LRBA: variants seen among roughly 807,000 people sequenced by gnomAD.
LRBA encodes the protein lipopolysaccharide-responsive and beige-like anchor protein.
A neutral mutation model predicts 330.0 loss-of-function variants in LRBA; 176 were observed. The ratio of observed to expected loss-of-function variants is 0.53; its 90% CI spans 0.47 to 0.60. The LOEUF (loss-of-function observed/expected upper bound fraction) is 0.60, where lower values mean the gene tolerates loss of function less well. Among genes scored for constraint, LRBA ranks in the 20% least tolerant of loss-of-function variants. LRBA has a pLI of 0.00. For missense variants in LRBA, 3,259 were observed against 3,444.8 expected (o/e 0.95, Z 1.35); for synonymous variants, 1,230 against 1,193.0 (o/e 1.03, Z -0.64).
At chr4:151,005,762 G>A (rs1402283845) in intron 2 of LRBA, among the ~76,000 whole-genome samples, 2 of 151,654 alleles carry the variant, frequency 1.3e-5, no homozygotes, top group Non-Finnish European at 1.5e-5. Context: ...CCGCCACCAC[G>A]CCTGGCTAAT....
In LRBA at chr4:150,583,085, G is replaced by A. The variant is rs753766626; in HGVS notation, c.6330+4963C>T. On this transcript the variant is annotated intron_variant, in intron 40 of 56. Coordinates refer to ENST00000651943, the MANE Select transcript of LRBA (RefSeq NM_001364905.1). This position sits in a 1 kb window ranked among gnomAD's most constrained non-coding sequence, Gnocchi z 9.8. ...CAGCTCAATAAGTACTACACTGAGC[G>A]CTGTCAGGCGCGCAAGGCGGCCATC... 3.1e-6 allele frequency: 5 copies of A among 1,614,042 alleles called. No homozygotes were observed. The highest frequency in any genetic ancestry group is 4.2e-6 in the Non-Finnish European group (5 of 1,179,974).
chr4:150,644,216 T>C (rs1464089575), intron 37 of LRBA, among the ~76,000 whole-genome samples: 1 of 151,964 alleles, frequency 6.6e-6, no homozygotes, highest in Non-Finnish European at 1.5e-5. Context: ...CTAGTGATTT[T>C]AAAATATAAT....
In LRBA at chr4:150,900,029, T is replaced by C. The variant is rs750269572; in HGVS notation, c.1924+20A>G. 19 of 1,583,828 alleles carry C rather than the reference T, an allele frequency of 1.2e-5. No individual in the cohort carries two copies. The Admixed American group carries it at 2.4e-4, about 20-fold the overall frequency. ...TGATTTGCATTTGTGTAAAGTAATA[T>C]ACAGACAGAAATTATATACCTAATC... On this transcript the variant is annotated intron_variant, in intron 14 of 56. Coordinates refer to ENST00000651943, the MANE Select transcript of LRBA (RefSeq NM_001364905.1).
chr4:151,008,760 G>C (rs1744424472), intron 2 of LRBA, among the ~76,000 whole-genome samples: 1 of 150,990 alleles, frequency 6.6e-6, no homozygotes, highest in South Asian at 2.1e-4. Flanking sequence ...GGATCACGAG[G>C]TCAGGAGTTC....
At chr4:150,432,453 C>CTTTTGTTTTTTTTTTTTT (rs1750535558) in intron 46 of LRBA, among the ~76,000 whole-genome samples, 1 of 98,438 alleles carries the variant, frequency 1.0e-5, no homozygotes, top group Non-Finnish European at 1.8e-5. Flanking sequence ...TAAGTGTGTT[C>CTTTTGTTTTTTTTTTTTT]TTTTTTTTTT....
intron 37 of LRBA, among the ~76,000 whole-genome samples, chr4:150,637,083 C>G (rs1018675367): frequency 2.0e-5 from 3 of 151,856 alleles, no homozygotes; most frequent in Non-Finnish European, 2.9e-5. Context: ...ATATTTTCTA[C>G]AGTAAAAATA....
At chr4:150,905,689 T>C (rs943508030) in intron 13 of LRBA, 149 bp downstream of exon 13, 1 of 613,186 alleles carries the variant, frequency 1.6e-6, no homozygotes, top group Non-Finnish European at 2.7e-6. Context: ...TCCTGAAGAG[T>C]AAAAAAGGAT....
intron 47 of LRBA, among the ~76,000 whole-genome samples, chr4:150,357,396 T>C (rs933218574): frequency 1.3e-5 from 2 of 152,020 alleles, no homozygotes; most frequent in Admixed American, 6.6e-5. Context: ...GAAGTCTGTA[T>C]TGCTGTGTGC....
intron 2 of LRBA, among the ~76,000 whole-genome samples, chr4:150,976,449 T>G (rs1175351994): frequency 6.6e-6 from 1 of 152,108 alleles, no homozygotes; most frequent in East Asian, 1.9e-4. Flanking sequence ...TGGCAAAAAA[T>G]TAAGTAGTCA....
In LRBA at chr4:150,981,388, C is replaced by T. The variant is rs1002709185; in HGVS notation, c.216+33039G>A. Among the ~76,000 whole-genome samples, 10 of 140,016 alleles carry T rather than the reference C, an allele frequency of 7.1e-5. No homozygotes were observed. The South Asian group carries it at 1.8e-3, about 26-fold the overall frequency. The allele number at this position is 140,016 out of a possible 152,430, so 91.9% of individuals were successfully genotyped here. On this transcript the variant is annotated intron_variant, in intron 2 of 56. Transcript: ENST00000651943. ...AGATCACACCATTGCACTCCAGCCT[C>T]GGCGACGGAGTGAGACTGTCTCAAA... is the stretch of plus-strand genomic sequence containing the variant.
rs753950457 is a variant in LRBA at position 150,828,922 on chromosome 4, G to GGTGTGT, written c.4730-307_4730-302dup. On this transcript the variant is annotated intron_variant, in intron 29 of 56. Transcript: ENST00000651943. ...GAAAAAGTCTATAATCTTTTTTGGG[G>GGTGTGT]GTGTGTGTGTGTGTGTGTGTGTGTG... 6.1e-3 allele frequency among the ~76,000 whole-genome samples: 646 copies of GGTGTGT among 106,218 alleles called. 3 individuals are homozygous for GGTGTGT. Among genetic ancestry groups the GGTGTGT allele is most frequent in the African/African-American group, 0.022 (480 of 22,264 alleles). The allele number at this position is 106,218 out of a possible 152,430, so 69.7% of individuals were successfully genotyped here.
intron 50 of LRBA, among the ~76,000 whole-genome samples, chr4:150,317,276 T>C (rs1731841567): frequency 6.6e-6 from 1 of 152,142 alleles, no homozygotes; most frequent in South Asian, 2.1e-4. Context: ...TATCTGTCTT[T>C]GAGGGGCTGA....
chr4:150,781,189 T>G (rs549574807), intron 34 of LRBA, among the ~76,000 whole-genome samples: 8 of 152,286 alleles, frequency 5.3e-5, no homozygotes, highest in African/African-American at 1.4e-4. Flanking sequence ...GTGCATTTTA[T>G]TTTTATTACT....
At chr4:150,379,100 C>G in intron 47 of LRBA, among the ~76,000 whole-genome samples, 1 of 151,782 alleles carries the variant, frequency 6.6e-6, no homozygotes, top group Middle Eastern at 3.4e-3. Context: ...GTCAGGAGAT[C>G]GAGACCAGCC....
chr4:150,791,176 A>C (rs1739855209), intron 34 of LRBA, among the ~76,000 whole-genome samples: 1 of 151,812 alleles, frequency 6.6e-6, no homozygotes, highest in Non-Finnish European at 1.5e-5. Flanking sequence ...CTGGTCTCAA[A>C]CTCCTGGCCT....
Position 150,828,552 on chromosome 4 carries a change from G to C in LRBA, c.4799C>G (p.Ala1600Gly). The change falls in exon 30 of 57, where the codon GCT (alanine) becomes GGT (glycine). Residue 1600 changes from alanine to glycine, a missense_variant. Coordinates refer to ENST00000651943, the MANE Select transcript of LRBA (RefSeq NM_001364905.1). ...SVEESESTSS[A>G]RRRDSGIGEE... is the part of the protein sequence containing the mutation. The stretch of plus-strand genomic sequence containing the variant: ...CCCAATGCCTGAGTCCCTCCTTCGA[G>C]CAGATGATGTGCTTTCAGATTCTTC... 1 of 1,614,084 alleles carries C rather than the reference G, an allele frequency of 6.2e-7. No individual in the cohort carries two copies.
chr4:150,810,854 G>C (rs550262826), intron 31 of LRBA, among the ~76,000 whole-genome samples: 10 of 152,108 alleles, frequency 6.6e-5, no homozygotes, highest in Non-Finnish European at 1.3e-4. Flanking sequence ...CTTTGGCCTT[G>C]GCCTCCCAAA....
At chr4:150,859,396 G>A (rs936331795) in intron 22 of LRBA, among the ~76,000 whole-genome samples, 1 of 151,968 alleles carries the variant, frequency 6.6e-6, no homozygotes, top group Non-Finnish European at 1.5e-5. Flanking sequence ...TTTAATTAAT[G>A]AGTAAAAGCA....
At chr4:150,731,182 C>T (rs1317212686) in intron 36 of LRBA, among the ~76,000 whole-genome samples, 2 of 152,098 alleles carry the variant, frequency 1.3e-5, no homozygotes, top group Non-Finnish European at 2.9e-5. Flanking sequence ...AACCCACATA[C>T]ACTATTGGTG....
Sources: allele counts gnomAD v4.1 joint callset (sites outside exome capture counted in the v4.1 genomes callset), GRCh38; gene constraint gnomAD v4.1.1; non-coding constraint Gnocchi (gnomAD v3.1); transcripts MANE v1.5; gene names NCBI Gene and HGNC (gene_info 2026-07-23, HGNC 2026-07-21).